ZBTB16: variants seen among roughly 807,000 people sequenced by gnomAD.
ZBTB16 encodes the protein zinc finger and BTB domain-containing protein 16.
Under a neutral mutation model 56.8 loss-of-function variants are expected in ZBTB16, and 8 were observed. That is an observed-to-expected ratio of 0.14 (90% CI 0.08 to 0.25). The LOEUF (loss-of-function observed/expected upper bound fraction) is 0.25, where lower values mean the gene tolerates loss of function less well. Ranked by LOEUF, ZBTB16 falls within the 10% of genes least tolerant of loss-of-function variation. ZBTB16 has a pLI of 1.00. For missense variants in ZBTB16, 625 were observed against 903.0 expected, an observed-to-expected ratio of 0.69 and a Z score of 3.95; for synonymous variants, 363 against 368.5, an observed-to-expected ratio of 0.98 and a Z score of 0.17.
intron 2 of ZBTB16, among the ~76,000 whole-genome samples, chr11:114,090,442 C>A (rs1451794665): frequency 6.6e-6 from 1 of 152,208 alleles, no homozygotes; most frequent in Non-Finnish European, 1.5e-5. Context: ...GCTGGCATGG[C>A]AAGCAGGGTA....
At chr11:114,222,621 T>C (rs765243112) in intron 4 of ZBTB16, among the ~76,000 whole-genome samples, 1 of 152,150 alleles carries the variant, frequency 6.6e-6, no homozygotes, top group Non-Finnish European at 1.5e-5. Context: ...CCAGGATCTT[T>C]GGCCAGGACT....
chr11:114,230,957 TTTACTGGAA>T (rs1944433177), intron 4 of ZBTB16, among the ~76,000 whole-genome samples: 3 of 151,904 alleles, frequency 2.0e-5, no homozygotes, highest in Admixed American at 2.0e-4. Flanking sequence ...TACATTGGGG[TTTACTGGAA>T]ATTTTACATG....
chr11:114,248,724 G>C (rs1944861314), intron 6 of ZBTB16, among the ~76,000 whole-genome samples: 1 of 152,192 alleles, frequency 6.6e-6, no homozygotes, highest in African/African-American at 2.4e-5. Context: ...TCGTGTCCCA[G>C]TTTGAGCCCA....
At chr11:114,080,085 AC>A (rs1939706336) in intron 2 of ZBTB16, among the ~76,000 whole-genome samples, 2 of 151,456 alleles carry the variant, frequency 1.3e-5, no homozygotes, top group Non-Finnish European at 2.9e-5. Flanking sequence ...TTGAGTTTTG[AC>A]CCCCTACACC....
At position 114,250,601 on chromosome 11, in the gene ZBTB16, G is replaced by C; in HGVS notation, c.*46G>C. On this transcript the variant is annotated 3_prime_UTR_variant, in exon 7 of 7. Coordinates refer to ENST00000335953, the MANE Select transcript of ZBTB16 (RefSeq NM_006006.6). This position sits in a 1 kb window ranked among gnomAD's most constrained non-coding sequence, Gnocchi z 6.0. ...AGCCGAGCGGGGAGCCAGGAAAGAA[G>C]AGTTGGAGTGAGATGAAGGAAGGAC... 6.3e-7 allele frequency: 1 copy of C among 1,579,316 alleles called. No individual in the cohort carries two copies. Among genetic ancestry groups the C allele is most frequent in the Non-Finnish European group, 8.7e-7 (1 of 1,149,316 alleles).
At chr11:114,149,346 A>G (rs1942228094) in intron 2 of ZBTB16, among the ~76,000 whole-genome samples, 1 of 152,212 alleles carries the variant, frequency 6.6e-6, no homozygotes, top group African/African-American at 2.4e-5. Context: ...AAGAAAACAC[A>G]GCTGGTTTGG....
chr11:114,166,831 T>C (rs1272521979), intron 3 of ZBTB16, among the ~76,000 whole-genome samples: 1 of 152,112 alleles, frequency 6.6e-6, no homozygotes, highest in Admixed American at 6.5e-5. Flanking sequence ...CCCATGACCT[T>C]TGGGGCTCAG....
chr11:114,082,399 C>T (rs1257576019), intron 2 of ZBTB16, among the ~76,000 whole-genome samples: 1 of 152,218 alleles, frequency 6.6e-6, no homozygotes, highest in African/African-American at 2.4e-5. Flanking sequence ...ACTTAACACA[C>T]TCTGCACAGT....
At chr11:114,246,949 A>G in intron 5 of ZBTB16, 1 of 550,660 alleles carries the variant, frequency 1.8e-6, no homozygotes, top group South Asian at 2.0e-5. Flanking sequence ...CCTGAACCAA[A>G]TGGGCTCTCT....
intron 4 of ZBTB16, among the ~76,000 whole-genome samples, chr11:114,190,315 A>T (rs1943462714): frequency 6.6e-6 from 1 of 152,234 alleles, no homozygotes. Flanking sequence ...CATCATAAGT[A>T]GAAAAGATAA....
intron 4 of ZBTB16, chr11:114,210,763 T>C: frequency 4.6e-6 from 1 of 217,984 alleles, no homozygotes; most frequent in Non-Finnish European, 9.2e-6. Context: ...GCCAGGGCTC[T>C]TGGGGTCTAA....
Position 114,064,425 on chromosome 11 carries a change from G to T in ZBTB16, c.1125G>T (p.Leu375=). The T allele has an allele frequency of 6.2e-7, 1 of 1,614,106 alleles. No individual in the cohort carries two copies. The highest frequency in any genetic ancestry group is 1.1e-5 in the South Asian group (1 of 91,082). The change falls in exon 2 of 7, where the codon CTG becomes CTT. Residue 375 remains leucine, a synonymous_variant. Coordinates refer to ENST00000335953, the MANE Select transcript of ZBTB16 (RefSeq NM_006006.6). The surrounding 1 kb of genome is among the most constrained non-coding windows in gnomAD (Gnocchi z 4.2). ...ACTTCAGCACCTATGGGGGGCTGCT[G>T]CCCCAGGGCTTCATCCAGAGGGAGC... ...SMDFSTYGGL[L]PQGFIQRELF... is the part of the protein sequence containing the mutation.
chr11:114,193,791 G>A (rs868286116), intron 4 of ZBTB16, among the ~76,000 whole-genome samples: 21 of 152,098 alleles, frequency 1.4e-4, no homozygotes, highest in African/African-American at 4.3e-4. Flanking sequence ...AGAAGGAATG[G>A]AGACCCTGGG....
At chr11:114,070,882 C>A (rs1939321311) in intron 2 of ZBTB16, among the ~76,000 whole-genome samples, 1 of 152,168 alleles carries the variant, frequency 6.6e-6, no homozygotes, top group Admixed American at 6.5e-5. Flanking sequence ...AGTTTATAAT[C>A]TCCTGGGCTC....
At chr11:114,175,899 G>T (rs543562629) in intron 3 of ZBTB16, among the ~76,000 whole-genome samples, 1 of 152,002 alleles carries the variant, frequency 6.6e-6, no homozygotes, top group Non-Finnish European at 1.5e-5. Context: ...CTTGGATCCC[G>T]GCCACCACCC....
chr11:114,230,762 T>C (rs535009299), intron 4 of ZBTB16, among the ~76,000 whole-genome samples: 5 of 152,136 alleles, frequency 3.3e-5, no homozygotes, highest in Non-Finnish European at 7.4e-5. Flanking sequence ...GTTTGGGAGA[T>C]ATTTAAATGG....
chr11:114,242,348 C>T lies in ZBTB16; in HGVS notation c.1624+11C>T. 1 of 1,612,702 alleles carries T rather than the reference C, an allele frequency of 6.2e-7. No individual in the cohort carries two copies. Among genetic ancestry groups the T allele is most frequent in the Non-Finnish European group, 8.5e-7 (1 of 1,180,002 alleles). On this transcript the variant is annotated intron_variant, in intron 5 of 6. Transcript: ENST00000335953. ...TGCGCTCACATACAGGTAGGTCAGTCCAGCTGATGGGTGGATCTGGGTCTC... is the reference window on the plus strand; with the variant it reads ...TGCGCTCACATACAGGTAGGTCAGTTCAGCTGATGGGTGGATCTGGGTCTC...
intron 4 of ZBTB16, among the ~76,000 whole-genome samples, chr11:114,228,197 C>T (rs776407683): frequency 6.6e-6 from 1 of 152,156 alleles, no homozygotes; most frequent in Admixed American, 6.5e-5. Context: ...TTTTTAAAAA[C>T]CATTTGTAAT....
intron 2 of ZBTB16, among the ~76,000 whole-genome samples, chr11:114,136,261 G>C (rs60065297): frequency 1.3e-3 from 198 of 152,194 alleles, no homozygotes; most frequent in African/African-American, 4.4e-3. Context: ...GTACTATCTC[G>C]GCATTTTGCA....
Sources: gnomAD v4.1 joint callset for allele counts (sites outside exome capture counted in the v4.1 genomes callset) on GRCh38, gnomAD v4.1.1 for gene constraint, Gnocchi (gnomAD v3.1) non-coding constraint, MANE v1.5 for transcripts, NCBI Gene and HGNC (gene_info 2026-07-23, HGNC 2026-07-21) for gene names.